The following BCL11A variants were observed in gnomAD, a reference collection of about 807,000 sequenced individuals.
BCL11A encodes the protein B cell CLL/lymphoma 11A.
BCL11A carries 2 observed loss-of-function variants against 55.9 expected under a neutral mutation model. The observed-to-expected ratio is 0.04, with a 90% CI of 0.01 to 0.11. The LOEUF is 0.11. Ranked by LOEUF, BCL11A falls within the 10% of genes least tolerant of loss-of-function variation. The pLI is 1.00. For missense variants in BCL11A, 817 were observed against 1,137.1 expected (o/e 0.72, Z 4.05); for synonymous variants, 465 against 473.4 (o/e 0.98, Z 0.23).
chr2:60,467,884 GGTGGT>G (rs1676906456), intron 3 of BCL11A, among the ~76,000 whole-genome samples: 1 of 121,508 alleles, frequency 8.2e-6, no homozygotes, highest in Non-Finnish European at 1.8e-5. Flanking sequence ...TGATGGTGGT[GGTGGT>G]AGTGATGGTG....
Position 60,521,434 on chromosome 2 carries a change from G to C in BCL11A, c.385+24537C>G, listed in dbSNP as rs184551961. 8.5e-5 allele frequency among the ~76,000 whole-genome samples: 13 copies of C among 152,336 alleles called. No individual in the cohort carries two copies. The East Asian group carries it at 2.1e-3, about 25-fold the overall frequency. On this transcript the variant is annotated intron_variant, in intron 2 of 3. Transcript: ENST00000642384. ...GTCTCAGCTTCCAGGCAGCAGATAC[G>C]GCAGAGACGAGGCCCACCATGGCTC...
intron 2 of BCL11A, chr2:60,542,174 T>C (rs950719580): frequency 3.1e-6 from 1 of 321,232 alleles, no homozygotes; most frequent in Admixed American, 5.0e-5. Context: ...AGAAAAAATG[T>C]TATATATCAA....
At chr2:60,518,054 G>GATT (rs1327998725) in intron 2 of BCL11A, among the ~76,000 whole-genome samples, 4 of 152,256 alleles carry the variant, frequency 2.6e-5, no homozygotes, top group Admixed American at 2.6e-4. Context: ...AAATTTGGAA[G>GATT]GCCACAGAGG....
chr2:60,533,695 A>G (rs1669554251), intron 2 of BCL11A: 1 of 152,228 alleles, frequency 6.6e-6, no homozygotes, highest in Non-Finnish European at 1.5e-5. Context: ...AAGGCTGTGA[A>G]GTCGGAGAGG....
At chr2:60,529,344 C>T (rs1054119522) in intron 2 of BCL11A, among the ~76,000 whole-genome samples, 1 of 152,138 alleles carries the variant, frequency 6.6e-6, no homozygotes, top group South Asian at 2.1e-4. Flanking sequence ...CCCCGTGATT[C>T]TCCCCACTTT....
chr2:60,512,234 C>T (rs1013248441), intron 2 of BCL11A, among the ~76,000 whole-genome samples: 4 of 152,290 alleles, frequency 2.6e-5, no homozygotes, highest in African/African-American at 9.6e-5. Context: ...CCTAGAGCCC[C>T]ACCTGTCACT....
intron 2 of BCL11A, among the ~76,000 whole-genome samples, chr2:60,489,457 T>C (rs78312852): frequency 5.3e-5 from 8 of 152,336 alleles, no homozygotes; most frequent in Non-Finnish European, 1.2e-4. Context: ...ACGGCGGCCC[T>C]GCGTGCCATT....
chr2:60,510,667 G>A (rs780606129), intron 2 of BCL11A, among the ~76,000 whole-genome samples: 9 of 152,180 alleles, frequency 5.9e-5, no homozygotes, highest in East Asian at 3.8e-4. Context: ...ACCAAGAACC[G>A]TTCCCAGCAT....
At chr2:60,502,251 G>A (rs1374619521) in intron 2 of BCL11A, among the ~76,000 whole-genome samples, 2 of 152,230 alleles carry the variant, frequency 1.3e-5, no homozygotes, top group Non-Finnish European at 2.9e-5. Context: ...GTAAAAGCTG[G>A]TGAAACAAAA....
At chr2:60,542,670 G>C (rs750527352) in intron 2 of BCL11A, 7 of 152,168 alleles carry the variant, frequency 4.6e-5, no homozygotes, top group Non-Finnish European at 8.8e-5. Flanking sequence ...GCTCATATGT[G>C]TACGTGGATG....
chr2:60,458,078 G>C lies in BCL11A; in HGVS notation c.*2326C>G, dbSNP rs1038783596. On this transcript the variant is annotated 3_prime_UTR_variant, in exon 4 of 4. Coordinates refer to ENST00000642384, the MANE Select transcript of BCL11A (RefSeq NM_022893.4). ...AAAAAGGTACATTGATACCTTTTAA[G>C]AGAACAAGCAACAGTTAAAAATACA... 9.7e-7 allele frequency: 1 copy of C among 1,029,296 alleles called. No homozygotes were observed. The highest frequency in any genetic ancestry group is 1.2e-6 in the Non-Finnish European group (1 of 857,646). The allele number at this position is 1,029,296 out of a possible 1,614,324, so 63.8% of individuals were successfully genotyped here. A position where few individuals can be genotyped will look rare whatever the true frequency, so the allele number is the denominator to read the frequency against.
At chr2:60,487,209 G>T (rs1678329906) in intron 2 of BCL11A, among the ~76,000 whole-genome samples, 1 of 152,216 alleles carries the variant, frequency 6.6e-6, no homozygotes, top group African/African-American at 2.4e-5. Flanking sequence ...CAATGAAAGA[G>T]TAAGATAATT....
intron 2 of BCL11A, among the ~76,000 whole-genome samples, chr2:60,529,623 G>A (rs1362213985): frequency 1.3e-5 from 2 of 152,112 alleles, no homozygotes; most frequent in Non-Finnish European, 2.9e-5. Context: ...GCGGGAGCGG[G>A]GGCAGGTATC....
chr2:60,533,065 A>T (rs1454439238), intron 2 of BCL11A: 1 of 152,236 alleles, frequency 6.6e-6, no homozygotes, highest in East Asian at 1.9e-4. Flanking sequence ...TATAAGCAGA[A>T]GTTTCCAGTC....
At chr2:60,486,328 T>C (rs1015767658) in intron 2 of BCL11A, among the ~76,000 whole-genome samples, 1 of 152,184 alleles carries the variant, frequency 6.6e-6, no homozygotes, top group African/African-American at 2.4e-5. Context: ...CACCTCCAAT[T>C]TGGCAACTTT....
intron 2 of BCL11A, among the ~76,000 whole-genome samples, chr2:60,490,022 T>G (rs751300172): frequency 6.6e-6 from 1 of 152,136 alleles, no homozygotes; most frequent in African/African-American, 2.4e-5. Flanking sequence ...TGAACGTCAT[T>G]CCTGCCCACT....
At chr2:60,525,355 T>G (rs1197791449) in intron 2 of BCL11A, 1 of 152,258 alleles carries the variant, frequency 6.6e-6, no homozygotes, top group Non-Finnish European at 1.5e-5. Flanking sequence ...CTTATAAGGC[T>G]GGAAACTTCT....
At chr2:60,505,281 G>A (rs1000035914) in intron 2 of BCL11A, among the ~76,000 whole-genome samples, 20 of 152,200 alleles carry the variant, frequency 1.3e-4, no homozygotes, top group African/African-American at 2.2e-4. Context: ...ACTCAGAAAC[G>A]GCTTCAAGGG....
chr2:60,504,903 C>A (rs552868621), intron 2 of BCL11A, among the ~76,000 whole-genome samples: 1 of 152,228 alleles, frequency 6.6e-6, no homozygotes, highest in South Asian at 2.1e-4. Flanking sequence ...AGAGCGTCCC[C>A]CCAAAAAAAC....
Sources: gnomAD v4.1 joint callset for allele counts (sites outside exome capture counted in the v4.1 genomes callset) on GRCh38, gnomAD v4.1.1 for gene constraint, MANE v1.5 for transcripts, NCBI Gene and HGNC (gene_info 2026-07-23, HGNC 2026-07-21) for gene names.